HSPA4: variants seen among roughly 807,000 people sequenced by gnomAD.
HSPA4 encodes heat shock 70 kDa protein 4.
In HSPA4, 25 loss-of-function variants were observed where a neutral mutation model predicts 106.2. The ratio of observed to expected loss-of-function variants is 0.24; its 90% CI spans 0.17 to 0.33. The LOEUF is 0.33. Among genes scored for constraint, HSPA4 ranks in the 10% least tolerant of loss-of-function variants. The pLI, the probability that HSPA4 is intolerant of heterozygous loss-of-function variation, is 1.00. For missense variants in HSPA4, 841 were observed against 996.0 expected (o/e 0.84, Z 2.10); for synonymous variants, 332 against 333.6 (o/e 1.00, Z 0.05).
At chr5:133,056,535 TG>T (rs1308468136) in intron 1 of HSPA4, among the ~76,000 whole-genome samples, 1 of 152,180 alleles carries the variant, frequency 6.6e-6, no homozygotes, top group Non-Finnish European at 1.5e-5. Context: ...CCTCCCAAAG[TG>T]CTGGGAATAC....
intron 13 of HSPA4, among the ~76,000 whole-genome samples, chr5:133,095,641 A>G (rs904350205): frequency 2.6e-4 from 39 of 152,320 alleles, no homozygotes; most frequent in African/African-American, 8.9e-4. Context: ...TTGAATGTCT[A>G]TATGTTTAAA....
intron 14 of HSPA4, 50 bp downstream of exon 14, chr5:133,096,300 C>T (rs779118174): frequency 9.8e-6 from 15 of 1,531,534 alleles, no homozygotes; most frequent in Middle Eastern, 1.7e-4. Flanking sequence ...TTAATGTTAC[C>T]ATAGTATTCA....
intron 1 of HSPA4, among the ~76,000 whole-genome samples, chr5:133,057,383 A>G (rs925718487): frequency 3.9e-4 from 58 of 149,826 alleles, no homozygotes; most frequent in Non-Finnish European, 2.8e-4. Flanking sequence ...TTTTGAGACA[A>G]TGTCCCACTC....
At chr5:133,072,351 G>A (rs1057334005) in intron 4 of HSPA4, among the ~76,000 whole-genome samples, 4 of 147,444 alleles carry the variant, frequency 2.7e-5, no homozygotes, top group Non-Finnish European at 5.9e-5. Flanking sequence ...CGGGTGAAAT[G>A]TCCTCTACCA....
chr5:133,067,970 G>A (rs537546118), intron 3 of HSPA4, among the ~76,000 whole-genome samples: 1 of 148,946 alleles, frequency 6.7e-6, no homozygotes, highest in Admixed American at 6.8e-5. Context: ...TTGGCTCACT[G>A]CCACCTCTGC....
At chr5:133,104,092 C>T (rs1765824497) in intron 18 of HSPA4, 66 bp downstream of exon 18, 1 of 1,432,656 alleles carries the variant, frequency 7.0e-7, no homozygotes, top group Non-Finnish European at 9.7e-7. Context: ...CCTCAAGTGA[C>T]ACTTAGGAGG....
chr5:133,092,860 G>T, intron 13 of HSPA4, 71 bp downstream of exon 13: 5 of 871,886 alleles, frequency 5.7e-6, no homozygotes, highest in Non-Finnish European at 5.0e-6. Flanking sequence ...TCAGTCTGTT[G>T]CCCAGGCTGG....
chr5:133,103,067 CCTT>C (rs1326800496), intron 17 of HSPA4, among the ~76,000 whole-genome samples: 4 of 150,810 alleles, frequency 2.7e-5, no homozygotes, highest in Non-Finnish European at 4.4e-5. Flanking sequence ...TTTTTTTCCT[CCTT>C]CTTTTTTGTG....
At chr5:133,086,704 A>G (rs1263948788) in intron 7 of HSPA4, 78 bp from the exon 8 acceptor site, 9 of 979,146 alleles carry the variant, frequency 9.2e-6, no homozygotes, top group Non-Finnish European at 1.5e-5. Flanking sequence ...CCTGTTTTTT[A>G]TTATAGCCAT....
intron 7 of HSPA4, among the ~76,000 whole-genome samples, chr5:133,084,890 T>C (rs1027174740): frequency 1.3e-5 from 2 of 151,730 alleles, no homozygotes; most frequent in African/African-American, 4.8e-5. Flanking sequence ...TCACTGTAGC[T>C]TCGACCTCCC....
At chr5:133,067,804 A>G (rs1765327849) in intron 3 of HSPA4, among the ~76,000 whole-genome samples, 1 of 151,546 alleles carries the variant, frequency 6.6e-6, no homozygotes, top group Admixed American at 6.6e-5. Context: ...TAATACTGCC[A>G]TTGCTGCTTG....
In HSPA4 at chr5:133,062,764, C is replaced by T. The variant is rs150412554; in HGVS notation, c.108-2216C>T. ...GGTGTACCATGTTTGTTCTTCCTGTCATTTAATAGAAGTCATGGCTTCCTG... is the reference window on the plus strand; with the variant it reads ...GGTGTACCATGTTTGTTCTTCCTGTTATTTAATAGAAGTCATGGCTTCCTG... On this transcript the variant is annotated intron_variant, in intron 1 of 18. Transcript: ENST00000304858. 7.2e-5 allele frequency among the ~76,000 whole-genome samples: 11 copies of T among 152,200 alleles called. No individual in the cohort carries two copies. In the East Asian group the frequency reaches 2.1e-3, roughly 29 times the overall value.
chr5:133,080,431 A>AC (rs1561581266), intron 7 of HSPA4, among the ~76,000 whole-genome samples: 1 of 151,230 alleles, frequency 6.6e-6, no homozygotes, highest in African/African-American at 2.4e-5. Context: ...AAAAAAAAAA[A>AC]AAAAAAAAAA....
intron 13 of HSPA4, among the ~76,000 whole-genome samples, chr5:133,095,560 T>C (rs1765700289): frequency 6.6e-6 from 1 of 152,256 alleles, no homozygotes; most frequent in Non-Finnish European, 1.5e-5. Context: ...ACAGACATTA[T>C]AGAAATCAAA....
chr5:133,079,735 T>G lies in HSPA4; in HGVS notation c.908+2837T>G, dbSNP rs1343822938. On this transcript the variant is annotated intron_variant, in intron 7 of 18. Transcript: ENST00000304858. ...GTGATTATCCCCACCAGCGCCCTAC[T>G]GGGTTTCAGTTTCTCCACGTCTTTG... Among the ~76,000 whole-genome samples, 3 of 152,220 alleles carry G rather than the reference T, an allele frequency of 2.0e-5. 1 individual carries two copies.
intron 7 of HSPA4, among the ~76,000 whole-genome samples, chr5:133,083,356 A>G (rs780209203): frequency 1.1e-4 from 17 of 152,036 alleles, no homozygotes; most frequent in African/African-American, 2.4e-5. Context: ...CTTCTTAACA[A>G]TCTTTTCCTT....
intron 18 of HSPA4, 83 bp from the exon 19 acceptor site, chr5:133,104,150 G>A: frequency 1.4e-6 from 2 of 1,455,144 alleles, no homozygotes; most frequent in Admixed American, 3.6e-5. Flanking sequence ...TTGGGTGGTG[G>A]GAGAGGGCGG....
intron 11 of HSPA4, 86 bp downstream of exon 11, chr5:133,089,781 A>G: frequency 9.3e-7 from 1 of 1,074,632 alleles, no homozygotes; most frequent in South Asian, 1.9e-5. Flanking sequence ...TGAAAGGCTA[A>G]GGTGGGAGGA....
intron 1 of HSPA4, among the ~76,000 whole-genome samples, chr5:133,058,515 T>C (rs1245052869): frequency 2.7e-5 from 4 of 150,450 alleles, no homozygotes; most frequent in Non-Finnish European, 5.9e-5. Flanking sequence ...TTGTCTCTAC[T>C]AAAAAATACA....
Sources: allele counts gnomAD v4.1 joint callset (sites outside exome capture counted in the v4.1 genomes callset), GRCh38; gene constraint gnomAD v4.1.1; transcripts MANE v1.5; gene names NCBI Gene and HGNC (gene_info 2026-07-23, HGNC 2026-07-21).